The following CACNA1C variants were observed in gnomAD, a reference collection of about 807,000 sequenced individuals.
The protein encoded by CACNA1C is calcium voltage-gated channel subunit alpha1 C.
A neutral mutation model predicts 229.0 loss-of-function variants in CACNA1C; 30 were observed. That is an observed-to-expected ratio of 0.13 (90% confidence interval 0.10 to 0.18). The LOEUF (loss-of-function observed/expected upper bound fraction) is 0.18, where lower values mean the gene tolerates loss of function less well. Among genes scored for constraint, CACNA1C ranks in the 10% least tolerant of loss-of-function variants. The probability of loss-of-function intolerance (pLI) is 1.00; values close to 1 mark genes in which losing one functional copy is unlikely to be tolerated. For synonymous variants in CACNA1C, 1,114 were observed against 1,132.5 expected (o/e 0.98, Z 0.33); for missense variants, 1,658 against 2,845.0 (o/e 0.58, Z 9.49).
At chr12:2,655,903 G>A (rs1244022800) in intron 34 of CACNA1C, among the ~76,000 whole-genome samples, 1 of 152,174 alleles carries the variant, frequency 6.6e-6, no homozygotes, top group East Asian at 1.9e-4. Flanking sequence ...ATCCTTTCAT[G>A]ATAAAAACTC....
intron 1 of CACNA1C, among the ~76,000 whole-genome samples, chr12:2,033,345 C>T (rs2048544400): frequency 6.6e-6 from 1 of 152,162 alleles, no homozygotes; most frequent in African/African-American, 2.4e-5. Context: ...GCAAGTCTAT[C>T]CTGGGATGCT....
intron 29 of CACNA1C, among the ~76,000 whole-genome samples, chr12:2,627,900 A>G (rs1255141886): frequency 1.3e-5 from 2 of 152,198 alleles, no homozygotes; most frequent in East Asian, 3.9e-4. Flanking sequence ...CCACGTGTTC[A>G]GAGTCAGCTT....
chr12:2,114,854 A>G (rs2083211474), intron 1 of CACNA1C, among the ~76,000 whole-genome samples: 1 of 152,194 alleles, frequency 6.6e-6, no homozygotes, highest in Non-Finnish European at 1.5e-5. Flanking sequence ...TTTCATGAAT[A>G]TCCTTTCATT....
chr12:2,006,066 G>C (rs994006095), intron 1 of CACNA1C, among the ~76,000 whole-genome samples: 15 of 152,176 alleles, frequency 9.9e-5, no homozygotes, highest in Non-Finnish European at 1.8e-4. Flanking sequence ...GGTAAATATA[G>C]GTGGGTATAA....
intron 3 of CACNA1C, among the ~76,000 whole-genome samples, chr12:2,177,625 CTTCT>C (rs1404565747): frequency 1.1e-5 from 1 of 89,310 alleles, no homozygotes; most frequent in Non-Finnish European, 2.2e-5. Flanking sequence ...TCCTTCCTTC[CTTCT>C]CTCTCTCTTT....
chr12:2,687,288 C>T (rs1424956644), intron 45 of CACNA1C, among the ~76,000 whole-genome samples: 1 of 152,224 alleles, frequency 6.6e-6, no homozygotes, highest in Non-Finnish European at 1.5e-5. Context: ...GTCGATTTCA[C>T]CTATCTGTTC....
In CACNA1C at chr12:2,649,271, C is replaced by T. The variant is rs1177227894; in HGVS notation, c.3945+764C>T. On this transcript the variant is annotated intron_variant, in intron 31 of 46. Transcript: ENST00000399655. This position sits in a 1 kb window ranked among gnomAD's most constrained non-coding sequence, Gnocchi z 4.4. ...GACCTTGAAGCCTCCTTGGCCCAGC[C>T]GCCTCCAAAAGGCTGCCGTTATGCA... Among the ~76,000 whole-genome samples the T allele has an allele frequency of 3.3e-5, 5 of 152,194 alleles. No individual in the cohort carries two copies. Among genetic ancestry groups the T allele is most frequent in the Admixed American group, 2.6e-4 (4 of 15,284 alleles).
chr12:2,203,905 C>G (rs576288976), intron 3 of CACNA1C, among the ~76,000 whole-genome samples: 2 of 152,328 alleles, frequency 1.3e-5, no homozygotes, highest in Middle Eastern at 3.4e-3. Flanking sequence ...GTCCCCGGCA[C>G]AGGTCTTTGC....
intron 6 of CACNA1C, among the ~76,000 whole-genome samples, chr12:2,487,757 T>C (rs946357790): frequency 1.9e-4 from 29 of 152,128 alleles, no homozygotes; most frequent in Non-Finnish European, 3.7e-4. Flanking sequence ...TCTGAGACTT[T>C]TTAGCCTTGC....
chr12:2,057,185 C>T (rs577038104), intron 1 of CACNA1C, among the ~76,000 whole-genome samples: 4 of 152,206 alleles, frequency 2.6e-5, no homozygotes, highest in Non-Finnish European at 5.9e-5. Context: ...GAGTTGGGTT[C>T]TTCTGTAAGA....
chr12:2,188,194 G>A (rs993134496), intron 3 of CACNA1C, among the ~76,000 whole-genome samples: 35 of 152,186 alleles, frequency 2.3e-4, no homozygotes, highest in African/African-American at 8.2e-4. Context: ...TGGCAACTCT[G>A]CCTTTCCGCA....
intron 3 of CACNA1C, among the ~76,000 whole-genome samples, chr12:2,349,405 A>G (rs75559616): frequency 0.041 from 6,235 of 152,190 alleles, 177 homozygotes; most frequent in East Asian, 0.069. Flanking sequence ...CTCAATTGGA[A>G]TCATCGTTTT....
At chr12:2,356,736 C>T (rs2097374027) in intron 3 of CACNA1C, among the ~76,000 whole-genome samples, 1 of 152,240 alleles carries the variant, frequency 6.6e-6, no homozygotes, top group Non-Finnish European at 1.5e-5. Flanking sequence ...AAATTCTTCC[C>T]TGCGTCCAGG....
At chr12:1,988,015 G>C (rs1251361752) in intron 1 of CACNA1C, among the ~76,000 whole-genome samples, 2 of 152,084 alleles carry the variant, frequency 1.3e-5, no homozygotes. Context: ...TTCACCCTTT[G>C]ACTTTAATTT....
At chr12:2,212,494 G>A (rs2097953760) in intron 3 of CACNA1C, among the ~76,000 whole-genome samples, 1 of 152,226 alleles carries the variant, frequency 6.6e-6, no homozygotes, top group African/African-American at 2.4e-5. Context: ...AATCTGATCT[G>A]CTTAAAGCAT....
At chr12:2,538,769 A>G (rs1312022575) in intron 9 of CACNA1C, among the ~76,000 whole-genome samples, 1 of 152,218 alleles carries the variant, frequency 6.6e-6, no homozygotes, top group Non-Finnish European at 1.5e-5. Flanking sequence ...TGCTTGATCT[A>G]TCCAACGGTA....
chr12:2,043,951 G>A (rs752507397), intron 1 of CACNA1C, among the ~76,000 whole-genome samples: 1 of 152,026 alleles, frequency 6.6e-6, no homozygotes, highest in African/African-American at 2.4e-5. Flanking sequence ...CACCGCGCCC[G>A]GCCAAAAACA....
chr12:2,509,886 G>A (rs950640526), intron 8 of CACNA1C, among the ~76,000 whole-genome samples: 1 of 152,170 alleles, frequency 6.6e-6, no homozygotes, highest in African/African-American at 2.4e-5. Context: ...AAAGTGCCAC[G>A]AGTATTGATT....
rs78062740 is a variant in CACNA1C, at chr12:2,060,036, C to T, written c.49+6425C>T. Among the ~76,000 whole-genome samples, 674 of 152,356 alleles carry T rather than the reference C, an allele frequency of 4.4e-3. 10 individuals are homozygous for T. The highest frequency in any genetic ancestry group is 0.037 in the East Asian group (193 of 5,186). On this transcript the variant is annotated intron_variant, in intron 1 of 46. Transcript: ENST00000399655. ...ATCTATCATTGGAAAGGTTTAAAAA[C>T]ACTTTCTTAGGCTACAGAGTAGAAG... is the stretch of plus-strand genomic sequence containing the variant.
Sources: gnomAD v4.1 joint callset for allele counts (sites outside exome capture counted in the v4.1 genomes callset) on GRCh38, gnomAD v4.1.1 for gene constraint, Gnocchi (gnomAD v3.1) non-coding constraint, MANE v1.5 for transcripts, NCBI Gene and HGNC (gene_info 2026-07-23, HGNC 2026-07-21) for gene names.